Variants in DOP1A observed in about 807,000 individuals in gnomAD.
DOP1A encodes DOP1 leucine zipper like protein A, also known as protein DOP1A.
In DOP1A, 90 loss-of-function variants were observed where a neutral mutation model predicts 267.6. The observed-to-expected ratio is 0.34, with a 90% confidence interval of 0.28 to 0.40. The LOEUF (loss-of-function observed/expected upper bound fraction) is 0.40, where lower values mean the gene tolerates loss of function less well. DOP1A is among the 10% of genes least tolerant of loss of function. The pLI is 1.00. For synonymous variants in DOP1A, 932 were observed against 999.1 expected, an observed-to-expected ratio of 0.93 and a Z score of 1.27; for missense variants, 2,437 against 2,900.4, an observed-to-expected ratio of 0.84 and a Z score of 3.67.
chr6:83,145,824 G>C (rs964754855), intron 25 of DOP1A, among the ~76,000 whole-genome samples, 166 bp downstream of exon 25: 1 of 152,140 alleles, frequency 6.6e-6, no homozygotes, highest in Non-Finnish European at 1.5e-5. Flanking sequence ...AATATTTGTA[G>C]TGACTTGCTA....
chr6:83,169,574 A>G, downstream of DOP1A: 1 of 502,054 alleles, frequency 2.0e-6, no homozygotes, highest in Non-Finnish European at 3.6e-6. Context: ...AATAGCTATC[A>G]TTCCACAACT....
chr6:83,085,552 A>G (rs1006324198), intron 1 of DOP1A, among the ~76,000 whole-genome samples: 1 of 152,196 alleles, frequency 6.6e-6, no homozygotes, highest in Non-Finnish European at 1.5e-5. Flanking sequence ...GAGATTTTAA[A>G]TGTAGAGAAT....
chr6:83,117,925 A>C (rs998651635), intron 7 of DOP1A, among the ~76,000 whole-genome samples: 13 of 152,348 alleles, frequency 8.5e-5, no homozygotes, highest in African/African-American at 3.1e-4. Context: ...TTCCTTTAAC[A>C]CAAATGAGCT....
intron 23 of DOP1A, 136 bp from the exon 24 acceptor site, chr6:83,141,785 A>C: frequency 1.3e-6 from 1 of 751,888 alleles, no homozygotes. Flanking sequence ...ACGTTATTAA[A>C]GTTTCCTCTA....
At chr6:83,131,614 G>C (rs753381336) in intron 17 of DOP1A, among the ~76,000 whole-genome samples, 1 of 151,544 alleles carries the variant, frequency 6.6e-6, no homozygotes, top group Non-Finnish European at 1.5e-5. Flanking sequence ...ACTAAATAAC[G>C]AAATGGGGTC....
chr6:83,072,798 C>T (rs185868596), intron 1 of DOP1A, among the ~76,000 whole-genome samples: 1 of 152,242 alleles, frequency 6.6e-6, no homozygotes, highest in Admixed American at 6.5e-5. Context: ...ATCGAATATT[C>T]TACATAGCTA....
Position 83,154,031 on chromosome 6 carries a change from C to G in DOP1A, c.6377C>G (p.Ser2126Cys). 1.2e-6 allele frequency: 2 copies of G among 1,613,956 alleles called. No homozygotes were observed. Among genetic ancestry groups the G allele is most frequent in the Non-Finnish European group, 1.7e-6 (2 of 1,179,990 alleles). The change falls in exon 32 of 39, where the codon TCT becomes TGT. Residue 2126 changes from serine to cysteine, a missense_variant. Ser to Cys is a moderately radical substitution (Grantham distance 112). Around this residue, in one of 9 missense-constraint regions of DOP1A, gnomAD observed 216 missense variants for 283.3 expected, o/e 0.76. Transcript: ENST00000349129. The part of the protein sequence containing the change: ...MDPSFFQMDA[S>C]CVNHWRAIMD... ...CCCAGTTTCTTTCAGATGGATGCCTCTTGTGTTAATCAGTAAGTTGCCCTC... is the reference window on the plus strand; with the variant it reads ...CCCAGTTTCTTTCAGATGGATGCCTGTTGTGTTAATCAGTAAGTTGCCCTC...
intron 1 of DOP1A, among the ~76,000 whole-genome samples, chr6:83,085,369 A>G (rs918532401): frequency 1.3e-4 from 20 of 152,236 alleles, no homozygotes; most frequent in African/African-American, 4.6e-4. Context: ...AAGCAAATAA[A>G]TAGGAAAATT....
At chr6:83,109,885 T>A (rs766546100) in intron 5 of DOP1A, among the ~76,000 whole-genome samples, 2 of 152,196 alleles carry the variant, frequency 1.3e-5, no homozygotes, top group African/African-American at 2.4e-5. Flanking sequence ...ATGAGGAGAC[T>A]GAACTTAACA....
chr6:83,140,506 C>T lies in DOP1A; in HGVS notation c.5415+103C>T, dbSNP rs1779438830. ...TAATTTGTGTAGTATTTACAGGACTCTGCTAATTATCAAATAATTTTTAAC... is the reference window on the plus strand; with the variant it reads ...TAATTTGTGTAGTATTTACAGGACTTTGCTAATTATCAAATAATTTTTAAC... On this transcript the variant is annotated intron_variant, in intron 23 of 38. Coordinates refer to ENST00000349129, the MANE Select transcript of DOP1A (RefSeq NM_015018.4). 3.2e-6 allele frequency: 3 copies of T among 938,780 alleles called. No homozygotes were observed. In the East Asian group the frequency reaches 7.9e-5, roughly 25 times the overall value. The allele number at this position is 938,780 out of a possible 1,614,324, so 58.2% of individuals were successfully genotyped here.
chr6:83,146,110 A>G (rs1331670200), intron 25 of DOP1A, among the ~76,000 whole-genome samples: 1 of 152,246 alleles, frequency 6.6e-6, no homozygotes, highest in East Asian at 1.9e-4. Context: ...TTGACCATGT[A>G]TAATACTGTG....
intron 15 of DOP1A, among the ~76,000 whole-genome samples, chr6:83,128,007 T>G (rs185173637): frequency 6.6e-6 from 1 of 152,074 alleles, no homozygotes; most frequent in Non-Finnish European, 1.5e-5. Context: ...TCTACTGATA[T>G]GAAAGTGGGG....
At chr6:83,118,063 T>C (rs1448349021) in intron 7 of DOP1A, among the ~76,000 whole-genome samples, 1 of 152,226 alleles carries the variant, frequency 6.6e-6, no homozygotes, top group Non-Finnish European at 1.5e-5. Context: ...GGCTAAGCAC[T>C]TAGCCAAAAC....
intron 17 of DOP1A, among the ~76,000 whole-genome samples, chr6:83,130,747 T>C (rs925029224): frequency 6.6e-6 from 1 of 151,748 alleles, no homozygotes; most frequent in East Asian, 1.9e-4. Flanking sequence ...ACTTTTGCTT[T>C]TCTTTTTTTT....
At chr6:83,087,974 C>T (rs1435157991) in intron 1 of DOP1A, among the ~76,000 whole-genome samples, 1 of 152,102 alleles carries the variant, frequency 6.6e-6, no homozygotes, top group Non-Finnish European at 1.5e-5. Flanking sequence ...CAGGTTCATG[C>T]CATTCTCCTG....
intron 1 of DOP1A, among the ~76,000 whole-genome samples, chr6:83,090,374 C>T (rs1256782872): frequency 2.0e-5 from 3 of 152,128 alleles, no homozygotes; most frequent in East Asian, 3.9e-4. Context: ...TTCTTGGAGG[C>T]CCTACCGTCT....
At chr6:83,129,601 C>T in intron 16 of DOP1A, 93 bp downstream of exon 16, 4 of 1,233,702 alleles carry the variant, frequency 3.2e-6, no homozygotes, top group South Asian at 2.5e-5. Flanking sequence ...GTTTTTTTAG[C>T]CAGTTACTTT....
intron 26 of DOP1A, 61 bp from the exon 27 acceptor site, chr6:83,148,698 C>A: frequency 8.7e-7 from 1 of 1,154,870 alleles, no homozygotes; most frequent in South Asian, 1.6e-5. Flanking sequence ...GAGAATGTTC[C>A]ACAAACTAGT....
At chr6:83,130,966 C>T (rs1363069683) in intron 17 of DOP1A, among the ~76,000 whole-genome samples, 11 of 151,736 alleles carry the variant, frequency 7.2e-5, no homozygotes, top group African/African-American at 1.9e-4. Flanking sequence ...CTCAAACTCC[C>T]GACCTCAGTA....
Sources: gnomAD v4.1 joint callset for allele counts (sites outside exome capture counted in the v4.1 genomes callset) on GRCh38, gnomAD v4.1.1 for gene constraint, gnomAD v4.1.1 regional missense constraint, MANE v1.5 for transcripts, NCBI Gene and HGNC (gene_info 2026-07-23, HGNC 2026-07-21) for gene names.